ZNF385D: variants seen among roughly 807,000 people sequenced by gnomAD.
ZNF385D encodes the protein zinc finger protein 385D.
A neutral mutation model predicts 35.8 loss-of-function variants in ZNF385D; 15 were observed. The ratio of observed to expected loss-of-function variants is 0.42; its 90% CI spans 0.28 to 0.64. The LOEUF is 0.64. ZNF385D is among the 30% of genes least tolerant of loss of function. The pLI is 0.23. For synonymous variants in ZNF385D, 212 were observed against 186.8 expected (o/e 1.13, Z -1.10); for missense variants, 474 against 494.6 (o/e 0.96, Z 0.39).
chr3:21,987,823 G>A (rs1694898902), intron 3 of ZNF385D, among the ~76,000 whole-genome samples: 1 of 125,960 alleles, frequency 7.9e-6, no homozygotes, highest in South Asian at 2.6e-4. Flanking sequence ...ACGTAGATTT[G>A]GTCTTTTCAC....
intron 2 of ZNF385D, among the ~76,000 whole-genome samples, chr3:22,309,485 T>C (rs147342660): frequency 6.2e-4 from 94 of 152,194 alleles, no homozygotes; most frequent in African/African-American, 2.1e-3. Flanking sequence ...CTCGACTATA[T>C]AGAGAGTATT....
chr3:21,808,006 ATGTCT>A (rs1246050741), intron 3 of ZNF385D, among the ~76,000 whole-genome samples: 2 of 152,168 alleles, frequency 1.3e-5, no homozygotes, highest in African/African-American at 2.4e-5. Flanking sequence ...ATGACCAAAT[ATGTCT>A]GAAAATAGAA....
rs568343199 is a variant in ZNF385D at position 21,851,357 on chromosome 3, C to A, written c.326-186329G>T. Among the ~76,000 whole-genome samples, 55 of 152,130 alleles carry A rather than the reference C, an allele frequency of 3.6e-4. 1 individual carries two copies. Among genetic ancestry groups the A allele is most frequent in the African/African-American group, 1.3e-3 (54 of 41,532 alleles). On this transcript the variant is annotated intron_variant, in intron 3 of 5. Transcript: ENST00000494108. The stretch of plus-strand genomic sequence containing the variant: ...GAAAGTTACAGTTGCTTTAGTTTGG[C>A]AACTTCTTGGAAAGTTAAATATACA...
chr3:21,498,945 C>CAAAAAAAAAAAAA (rs35511402), intron 4 of ZNF385D, among the ~76,000 whole-genome samples: 2 of 64,264 alleles, frequency 3.1e-5, no homozygotes, highest in Non-Finnish European at 5.4e-5. Context: ...GACTCCATCT[C>CAAAAAAAAAAAAA]AAAAAAAAAA....
intron 3 of ZNF385D, among the ~76,000 whole-genome samples, chr3:21,874,976 T>C (rs935980623): frequency 7.6e-6 from 1 of 131,548 alleles, no homozygotes; most frequent in Non-Finnish European, 1.7e-5. Flanking sequence ...AAGTATTTTA[T>C]TATTTTGATG....
chr3:22,103,048 A>G (rs762047175), intron 3 of ZNF385D, among the ~76,000 whole-genome samples: 31 of 151,430 alleles, frequency 2.0e-4, no homozygotes, highest in Non-Finnish European at 3.7e-4. Context: ...TTATGCAACT[A>G]AAGTCAAGAC....
chr3:22,125,094 T>TG (rs1389431748), intron 3 of ZNF385D, among the ~76,000 whole-genome samples: 2 of 152,122 alleles, frequency 1.3e-5, no homozygotes, highest in African/African-American at 2.4e-5. Flanking sequence ...TTATTCTGTA[T>TG]GGGAAAAAAG....
chr3:22,235,357 G>C (rs1699119335), intron 2 of ZNF385D, among the ~76,000 whole-genome samples: 1 of 152,034 alleles, frequency 6.6e-6, no homozygotes, highest in Non-Finnish European at 1.5e-5. Flanking sequence ...TTGTAATACT[G>C]AAAGAAGGTA....
intron 1 of ZNF385D, among the ~76,000 whole-genome samples, chr3:21,694,966 T>C (rs2067420069): frequency 1.3e-5 from 2 of 152,082 alleles, no homozygotes; most frequent in Non-Finnish European, 2.9e-5. Context: ...TTAAAGTGAG[T>C]CAGTCCCGGA....
chr3:22,097,571 G>A (rs764464088), intron 3 of ZNF385D, among the ~76,000 whole-genome samples: 4 of 152,048 alleles, frequency 2.6e-5, no homozygotes, highest in African/African-American at 7.2e-5. Context: ...CATTGAAAGA[G>A]CAAAATGACT....
intron 2 of ZNF385D, among the ~76,000 whole-genome samples, chr3:22,189,102 G>GT (rs986165184): frequency 1.3e-5 from 2 of 151,936 alleles, no homozygotes; most frequent in African/African-American, 4.8e-5. Context: ...CATTTCTACA[G>GT]TTTTTTTCAG....
intron 2 of ZNF385D, among the ~76,000 whole-genome samples, chr3:22,171,894 A>T (rs1194649979): frequency 6.9e-6 from 1 of 144,232 alleles, no homozygotes; most frequent in Non-Finnish European, 1.6e-5. Flanking sequence ...AAAAAAAAAA[A>T]AAAAAAAATT....
At chr3:21,996,533 G>A (rs954510916) in intron 3 of ZNF385D, among the ~76,000 whole-genome samples, 6 of 152,068 alleles carry the variant, frequency 3.9e-5, no homozygotes, top group African/African-American at 1.4e-4. Context: ...CACCTCTACT[G>A]AAACTCATAT....
chr3:21,942,347 T>C (rs1247797706), intron 3 of ZNF385D, among the ~76,000 whole-genome samples: 1 of 152,222 alleles, frequency 6.6e-6, no homozygotes, highest in Admixed American at 6.5e-5. Context: ...TCTTTTGGAT[T>C]ATAATCCACA....
At chr3:21,783,721 G>C (rs976769907) in intron 3 of ZNF385D, among the ~76,000 whole-genome samples, 1 of 152,032 alleles carries the variant, frequency 6.6e-6, no homozygotes, top group Non-Finnish European at 1.5e-5. Flanking sequence ...AAGCACAAAG[G>C]CACCAGGTAA....
At chr3:21,441,822 C>G in intron 4 of ZNF385D, 2 of 731,678 alleles carry the variant, frequency 2.7e-6, no homozygotes, top group Non-Finnish European at 1.7e-6. Context: ...CTTTGCACTA[C>G]TCTACCAAAG....
At chr3:21,807,050 A>G in intron 3 of ZNF385D, among the ~76,000 whole-genome samples, 1 of 152,164 alleles carries the variant, frequency 6.6e-6, no homozygotes, top group East Asian at 1.9e-4. Context: ...GGGAAACCAG[A>G]AGAGAGAAAG....
At chr3:22,224,160 A>C (rs1010687776) in intron 2 of ZNF385D, among the ~76,000 whole-genome samples, 1 of 152,218 alleles carries the variant, frequency 6.6e-6, no homozygotes, top group Non-Finnish European at 1.5e-5. Flanking sequence ...GAACATTTGT[A>C]ATGAGATAAT....
At chr3:22,099,391 C>T (rs1351248505) in intron 3 of ZNF385D, among the ~76,000 whole-genome samples, 1 of 152,020 alleles carries the variant, frequency 6.6e-6, no homozygotes, top group African/African-American at 2.4e-5. Context: ...TAAATAATTT[C>T]TTAAAGTATG....
Sources: allele counts gnomAD v4.1 joint callset (sites outside exome capture counted in the v4.1 genomes callset), GRCh38; gene constraint gnomAD v4.1.1; transcripts MANE v1.5; gene names NCBI Gene and HGNC (gene_info 2026-07-23, HGNC 2026-07-21).